SLC24A2: variants seen among roughly 807,000 people sequenced by gnomAD.
The protein encoded by SLC24A2 is solute carrier family 24 member 2.
In SLC24A2, 36 loss-of-function variants were observed where a neutral mutation model predicts 62.0. The ratio of observed to expected loss-of-function variants is 0.58; its 90% CI spans 0.44 to 0.77. The LOEUF is 0.77. SLC24A2 is among the 30% of genes least tolerant of loss of function. The probability of loss-of-function intolerance (pLI) is 0.00; values close to 1 mark genes in which losing one functional copy is unlikely to be tolerated. For synonymous variants in SLC24A2, 358 were observed against 294.0 expected (o/e 1.22, Z -2.23); for missense variants, 846 against 817.9 (o/e 1.03, Z -0.42).
intron 4 of SLC24A2, among the ~76,000 whole-genome samples, chr9:19,600,989 T>C (rs533372164): frequency 2.6e-5 from 4 of 152,280 alleles, no homozygotes; most frequent in Admixed American, 6.5e-5. Flanking sequence ...ACTTCCTGGG[T>C]CTAGTGGGGA....
At chr9:20,197,533 G>A in the SLC24A2 span, among the ~76,000 whole-genome samples, 5 of 150,046 alleles carry the variant, frequency 3.3e-5, no homozygotes, top group Admixed American at 3.3e-4. Context: ...CCAGGCTAAG[G>A]TGATACTCCC....
the SLC24A2 span, among the ~76,000 whole-genome samples, chr9:20,253,928 G>A: frequency 6.6e-6 from 1 of 152,160 alleles, no homozygotes; most frequent in Non-Finnish European, 1.5e-5. Flanking sequence ...TACAAATGTG[G>A]CTTGGGGTTG....
chr9:19,622,837 T>A (rs1817942614), intron 2 of SLC24A2, among the ~76,000 whole-genome samples: 1 of 151,708 alleles, frequency 6.6e-6, no homozygotes, highest in African/African-American at 2.4e-5. Flanking sequence ...TTGGGGGGAG[T>A]CAGCATTCAT....
chr9:19,640,489 C>T (rs951185223), intron 2 of SLC24A2, among the ~76,000 whole-genome samples: 1 of 152,116 alleles, frequency 6.6e-6, no homozygotes, highest in African/African-American at 2.4e-5. Flanking sequence ...AAAGTATAGG[C>T]GTTGATACGG....
the SLC24A2 span, among the ~76,000 whole-genome samples, chr9:19,934,465 C>G: frequency 2.6e-5 from 4 of 152,048 alleles, no homozygotes. The surrounding 1 kb of genome is among the most constrained non-coding windows in gnomAD (Gnocchi z 4.1). Context: ...ACAAGGACCC[C>G]AAGCAAATCC....
At chr9:20,077,754 C>T in the SLC24A2 span, among the ~76,000 whole-genome samples, 2 of 152,186 alleles carry the variant, frequency 1.3e-5, no homozygotes, top group East Asian at 3.9e-4. Context: ...GTGATAGTTG[C>T]AAGCTTGACA....
intron 2 of SLC24A2, among the ~76,000 whole-genome samples, chr9:19,633,467 A>G (rs1029258811): frequency 1.9e-4 from 29 of 152,220 alleles, no homozygotes; most frequent in African/African-American, 7.0e-4. Context: ...TGATATGATC[A>G]CTATTTTGAA....
the SLC24A2 span, chr9:19,928,440 T>C: frequency 1.3e-5 from 2 of 152,170 alleles, no homozygotes. Flanking sequence ...TGGGAGCAAG[T>C]CCCAGCTCAT....
At chr9:20,109,128 G>T in the SLC24A2 span, among the ~76,000 whole-genome samples, 1 of 152,116 alleles carries the variant, frequency 6.6e-6, no homozygotes, top group Non-Finnish European at 1.5e-5. Flanking sequence ...GCCTAGGTGT[G>T]TAATAGGCTA....
the SLC24A2 span, among the ~76,000 whole-genome samples, chr9:19,827,832 C>T: frequency 6.6e-6 from 1 of 152,106 alleles, no homozygotes; most frequent in East Asian, 1.9e-4. Flanking sequence ...GGTTAAGCAT[C>T]CTTCCCAAGA....
the SLC24A2 span, among the ~76,000 whole-genome samples, chr9:20,066,086 C>A: frequency 3.4e-3 from 517 of 152,184 alleles, 2 homozygotes; most frequent in African/African-American, 0.012. Flanking sequence ...AGGGAAGAAA[C>A]CTGATCCAGT....
At position 19,513,878 on chromosome 9, in the gene SLC24A2, G is replaced by A. The variant is rs977277632; in HGVS notation, c.*2275C>T. ...ACTTCCTCATTCTTTCACTCTCTAA[G>A]GAAGCAGGACAAATTCTTGCCCCAG... On this transcript the variant is annotated 3_prime_UTR_variant, in exon 11 of 11. Coordinates refer to ENST00000341998, the MANE Select transcript of SLC24A2 (RefSeq NM_020344.4). 8 of 152,166 alleles carry A rather than the reference G, an allele frequency of 5.3e-5. No individual in the cohort carries two copies. The highest frequency in any genetic ancestry group is 1.9e-4 in the African/African-American group (8 of 41,428). 9.4% of individuals were successfully genotyped at this position (152,166 alleles called of 1,614,324 possible).
intron 4 of SLC24A2, among the ~76,000 whole-genome samples, chr9:19,598,745 C>T (rs979127634): frequency 3.9e-5 from 6 of 151,976 alleles, no homozygotes; most frequent in East Asian, 1.9e-4. Context: ...TGCACAACTT[C>T]GGAATTCTTA....
the SLC24A2 span, among the ~76,000 whole-genome samples, chr9:20,221,784 T>C: frequency 7.2e-5 from 11 of 152,132 alleles, no homozygotes; most frequent in Non-Finnish European, 1.3e-4. Flanking sequence ...TCTTCAGTGC[T>C]GACAGGAAGT....
the SLC24A2 span, among the ~76,000 whole-genome samples, chr9:19,837,379 G>A: frequency 2.9e-5 from 4 of 137,096 alleles, no homozygotes; most frequent in East Asian, 2.4e-4. Flanking sequence ...GTGAACCCGG[G>A]AAGTGGAGCT....
chr9:19,615,057 T>C (rs1207229706), intron 4 of SLC24A2, among the ~76,000 whole-genome samples: 2 of 152,192 alleles, frequency 1.3e-5, no homozygotes, highest in African/African-American at 4.8e-5. Flanking sequence ...CAAACACTGC[T>C]GGACTCTTGT....
At chr9:19,945,690 T>G in the SLC24A2 span, among the ~76,000 whole-genome samples, 1 of 152,206 alleles carries the variant, frequency 6.6e-6, no homozygotes, top group Non-Finnish European at 1.5e-5. Flanking sequence ...GATGAAGAAT[T>G]GGAGACTCAA....
chr9:19,520,194 A>C (rs1261649519), intron 10 of SLC24A2, among the ~76,000 whole-genome samples: 1 of 152,204 alleles, frequency 6.6e-6, no homozygotes, highest in Non-Finnish European at 1.5e-5. Flanking sequence ...TGGGAACGTA[A>C]GGATAATGTC....
intron 2 of SLC24A2, among the ~76,000 whole-genome samples, chr9:19,662,959 A>T (rs1819145760): frequency 6.6e-6 from 1 of 152,204 alleles, no homozygotes; most frequent in African/African-American, 2.4e-5. Context: ...CTATAAAATG[A>T]ATGCAGGAAT....
Sources: allele counts gnomAD v4.1 joint callset (sites outside exome capture counted in the v4.1 genomes callset), GRCh38; gene constraint gnomAD v4.1.1; non-coding constraint Gnocchi (gnomAD v3.1); transcripts MANE v1.5; gene names NCBI Gene and HGNC (gene_info 2026-07-23, HGNC 2026-07-21).